KCTD16: variants seen among roughly 807,000 people sequenced by gnomAD.
The protein encoded by KCTD16 is potassium channel tetramerization domain containing 16.
KCTD16 carries 13 observed loss-of-function variants against 33.2 expected under a neutral mutation model. That is an observed-to-expected ratio of 0.39 (90% CI 0.25 to 0.62). The LOEUF (loss-of-function observed/expected upper bound fraction) is 0.62, where lower values mean the gene tolerates loss of function less well. Among genes scored for constraint, KCTD16 ranks in the 20% least tolerant of loss-of-function variants. The pLI is 0.50. For missense variants in KCTD16, 441 were observed against 525.1 expected (o/e 0.84, Z 1.57); for synonymous variants, 197 against 195.3 (o/e 1.01, Z -0.07).
intron 3 of KCTD16, among the ~76,000 whole-genome samples, chr5:144,430,012 G>C (rs1388172263): frequency 2.6e-5 from 4 of 152,086 alleles, no homozygotes; most frequent in Non-Finnish European, 5.9e-5. Context: ...AATGTATGAG[G>C]CTACAAGTTG....
rs1755987913 is a variant in KCTD16 at position 144,294,651 on chromosome 5, G to A, written c.832+87105G>A. Among the ~76,000 whole-genome samples the A allele has an allele frequency of 2.6e-5, 4 of 152,060 alleles. No homozygotes were observed. The South Asian group carries it at 8.3e-4, about 32-fold the overall frequency. ...TGTCTTCATCACAATGTTCTTTTTG[G>A]ATTGAAAGTGAATTTGGGTGGCAAA... On this transcript the variant is annotated intron_variant, in intron 3 of 3. Coordinates refer to ENST00000512467, the MANE Select transcript of KCTD16 (RefSeq NM_020768.4).
intron 3 of KCTD16, among the ~76,000 whole-genome samples, chr5:144,465,703 G>A (rs923955083): frequency 2.7e-5 from 4 of 150,926 alleles, no homozygotes; most frequent in South Asian, 2.1e-4. Context: ...AATGTTTTAA[G>A]ATAGTTCTTT....
intron 3 of KCTD16, among the ~76,000 whole-genome samples, chr5:144,415,573 G>GA (rs111980882): frequency 0.013 from 1,925 of 152,096 alleles, 39 homozygotes; most frequent in African/African-American, 0.044. Context: ...TATATCCATA[G>GA]AAAAAAGACC....
chr5:144,433,966 A>T lies in KCTD16; in HGVS notation c.833-39694A>T, dbSNP rs533779985. Among the ~76,000 whole-genome samples, 4 of 152,288 alleles carry T rather than the reference A, an allele frequency of 2.6e-5. No homozygotes were observed. In the East Asian group the frequency reaches 7.7e-4, roughly 29 times the overall value. On this transcript the variant is annotated intron_variant, in intron 3 of 3. Coordinates refer to ENST00000512467, the MANE Select transcript of KCTD16 (RefSeq NM_020768.4). The stretch of plus-strand genomic sequence containing the variant: ...CAGCCACTGATTATGCTGGCCCAGA[A>T]AGAACTCGAGAAGTGGTTCTTGCCA...
chr5:144,415,597 G>A lies in KCTD16; in HGVS notation c.833-58063G>A, dbSNP rs545914701. Among the ~76,000 whole-genome samples, 69 of 152,244 alleles carry A rather than the reference G, an allele frequency of 4.5e-4. 1 individual carries two copies. The highest frequency in any genetic ancestry group is 3.4e-3 in the Middle Eastern group (1 of 294). On this transcript the variant is annotated intron_variant, in intron 3 of 3. Transcript: ENST00000512467. ...AGAAAAAAGACCCAAAACAAGCTTT[G>A]AGGAATTGTACAAAAAATCCTGATC...
At chr5:144,257,107 A>G (rs1440251116) in intron 3 of KCTD16, among the ~76,000 whole-genome samples, 4 of 152,222 alleles carry the variant, frequency 2.6e-5, no homozygotes, top group African/African-American at 7.2e-5. Flanking sequence ...TTATGTATGT[A>G]TCTGTATCCC....
intron 3 of KCTD16, among the ~76,000 whole-genome samples, chr5:144,449,490 C>T (rs988519095): frequency 2.0e-5 from 3 of 151,836 alleles, no homozygotes; most frequent in Admixed American, 6.6e-5. Context: ...TTCCTAGTTT[C>T]AAAATATACC....
intron 2 of KCTD16, among the ~76,000 whole-genome samples, chr5:144,181,002 G>A (rs1215369528): frequency 2.0e-5 from 3 of 150,798 alleles, no homozygotes; most frequent in Non-Finnish European, 4.4e-5. Flanking sequence ...GCGCGATCTC[G>A]GCTCACTGCA....
intron 2 of KCTD16, among the ~76,000 whole-genome samples, chr5:144,201,027 C>G (rs1044686300): frequency 6.6e-6 from 1 of 152,132 alleles, no homozygotes; most frequent in Non-Finnish European, 1.5e-5. Context: ...ATTACAGGTG[C>G]GAGCCACCTT....
chr5:144,385,131 T>G (rs192091434), intron 3 of KCTD16: 29 of 152,284 alleles, frequency 1.9e-4, no homozygotes, highest in Middle Eastern at 6.8e-3. Flanking sequence ...AAGATAATAA[T>G]ATATGAGCGA....
intron 2 of KCTD16, among the ~76,000 whole-genome samples, chr5:144,191,105 A>C (rs911876124): frequency 2.0e-5 from 3 of 152,102 alleles, no homozygotes; most frequent in Non-Finnish European, 2.9e-5. Context: ...GAGGGAAAAT[A>C]TTTTTTAATA....
At chr5:144,431,575 G>T (rs1244468907) in intron 3 of KCTD16, among the ~76,000 whole-genome samples, 1 of 152,120 alleles carries the variant, frequency 6.6e-6, no homozygotes, top group Non-Finnish European at 1.5e-5. Context: ...TTTAAATGCA[G>T]ATTGCCAGGT....
At chr5:144,326,688 C>T (rs1443496407) in intron 3 of KCTD16, among the ~76,000 whole-genome samples, 6 of 146,608 alleles carry the variant, frequency 4.1e-5, no homozygotes, top group Admixed American at 1.4e-4. Flanking sequence ...GTTTGTAATT[C>T]ACAAAAAAAA....
chr5:144,253,751 A>T (rs902545485), intron 3 of KCTD16, among the ~76,000 whole-genome samples: 6 of 152,308 alleles, frequency 3.9e-5, no homozygotes, highest in African/African-American at 1.4e-4. Context: ...GTCTTTTATT[A>T]CAAATTGAAA....
intron 3 of KCTD16, among the ~76,000 whole-genome samples, chr5:144,440,117 G>C (rs1168098282): frequency 6.6e-6 from 1 of 152,114 alleles, no homozygotes; most frequent in Non-Finnish European, 1.5e-5. Flanking sequence ...CCCCTTCTGT[G>C]CACCACATTT....
intron 3 of KCTD16, among the ~76,000 whole-genome samples, chr5:144,295,216 C>T (rs1215337270): frequency 4.6e-5 from 7 of 152,308 alleles, no homozygotes; most frequent in African/African-American, 7.2e-5. Flanking sequence ...TAGTAGTACA[C>T]GTAAGTGTCC....
At chr5:144,390,880 G>A (rs1194128502) in intron 3 of KCTD16, among the ~76,000 whole-genome samples, 1 of 152,080 alleles carries the variant, frequency 6.6e-6, no homozygotes, top group East Asian at 1.9e-4. Context: ...TATGGCTGCC[G>A]AGAAGTGATT....
intron 3 of KCTD16, among the ~76,000 whole-genome samples, chr5:144,258,063 T>C (rs930422180): frequency 2.6e-5 from 4 of 152,226 alleles, no homozygotes; most frequent in African/African-American, 9.6e-5. Flanking sequence ...TATTTATTGT[T>C]GTATGCATCA....
At chr5:144,385,617 A>G (rs1752307049) in intron 3 of KCTD16, among the ~76,000 whole-genome samples, 1 of 152,208 alleles carries the variant, frequency 6.6e-6, no homozygotes. Flanking sequence ...TATGGCCACT[A>G]TAAGCTTTCA....
Sources: allele counts gnomAD v4.1 joint callset (sites outside exome capture counted in the v4.1 genomes callset), GRCh38; gene constraint gnomAD v4.1.1; transcripts MANE v1.5; gene names NCBI Gene and HGNC (gene_info 2026-07-23, HGNC 2026-07-21).